The following CHAT variants were observed in gnomAD, a reference collection of about 807,000 sequenced individuals.
The protein encoded by CHAT is choline O-acetyltransferase.
CHAT carries 61 observed loss-of-function variants against 76.9 expected under a neutral mutation model. That is an observed-to-expected ratio of 0.79 (90% CI 0.65 to 0.98). CHAT has a LOEUF of 0.98. CHAT is among the 50% of genes least tolerant of loss of function. The pLI is 0.00. For synonymous variants in CHAT, 407 were observed against 397.4 expected (o/e 1.02, Z -0.29); for missense variants, 946 against 986.9 (o/e 0.96, Z 0.56).
In CHAT at chr10:49,625,881, C is replaced by G. The variant is rs2132729447; in HGVS notation, c.933+228C>G. 2.0e-5 allele frequency among the ~76,000 whole-genome samples: 3 copies of G among 152,322 alleles called. 1 individual carries two copies. Among genetic ancestry groups the G allele is most frequent in the Middle Eastern group, 3.4e-3 (1 of 294 alleles). On this transcript the variant is annotated intron_variant, in intron 6 of 14. Transcript: ENST00000337653. Reference sequence around the variant, plus strand: ...AGTTTGAGAATATCCTCACTGGACTCTCACTTCAGCACTGATGCACTGAGG... The same window carrying G: ...AGTTTGAGAATATCCTCACTGGACTGTCACTTCAGCACTGATGCACTGAGG...
upstream of CHAT, chr10:49,613,892 A>C (rs1206223890): frequency 9.7e-6 from 5 of 517,516 alleles, no homozygotes; most frequent in Non-Finnish European, 1.7e-5. Context: ...ATTTTGAAAG[A>C]TGGTGTAGCA....
At chr10:49,619,337 T>C (rs1265193792) in intron 2 of CHAT, among the ~76,000 whole-genome samples, 1 of 152,188 alleles carries the variant, frequency 6.6e-6, no homozygotes, top group African/African-American at 2.4e-5. Flanking sequence ...TTCATATCTA[T>C]TTTCTGTTTG....
chr10:49,618,928 T>C (rs1258330752), intron 2 of CHAT, among the ~76,000 whole-genome samples: 1 of 152,190 alleles, frequency 6.6e-6, no homozygotes, highest in African/African-American at 2.4e-5. Flanking sequence ...TTGTTATTTA[T>C]GTCCTATGGA....
intron 4 of CHAT, 143 bp from the exon 5 acceptor site, chr10:49,621,954 A>T: frequency 1.4e-5 from 1 of 72,008 alleles, no homozygotes; most frequent in Non-Finnish European, 2.4e-5. Context: ...AGTGGGGATG[A>T]GGGAGGGAGG....
intron 11 of CHAT, among the ~76,000 whole-genome samples, chr10:49,653,795 A>C (rs1293899271): frequency 6.6e-6 from 1 of 152,230 alleles, no homozygotes; most frequent in African/African-American, 2.4e-5. Flanking sequence ...ATCCTGCCAG[A>C]GCCTCGACTG....
In CHAT at chr10:49,622,167, G is replaced by A. The variant is rs1185047489; in HGVS notation, c.752+17G>A. The A allele has an allele frequency of 6.2e-7, 1 of 1,613,464 alleles. No individual in the cohort carries two copies. Among genetic ancestry groups the A allele is most frequent in the Non-Finnish European group, 8.5e-7 (1 of 1,179,508 alleles). ...GCTGGACAGGTAGGACTGGGAGGGT[G>A]GTGCCCTGTTCCAGCACAGTCTGCC... On this transcript the variant is annotated intron_variant, in intron 5 of 14. Coordinates refer to ENST00000337653, the MANE Select transcript of CHAT (RefSeq NM_020549.5).
At chr10:49,637,602 C>T (rs1170449734) in intron 7 of CHAT, 2 of 152,768 alleles carry the variant, frequency 1.3e-5, no homozygotes, top group African/African-American at 2.4e-5. Context: ...GCTTCCCCTT[C>T]GCGTTCTGCC....
chr10:49,620,869 T>C (rs1359331154), intron 4 of CHAT, among the ~76,000 whole-genome samples: 1 of 152,128 alleles, frequency 6.6e-6, no homozygotes, highest in African/African-American at 2.4e-5. Context: ...AGGTCATGGG[T>C]CCAAATATCC....
intron 13 of CHAT, among the ~76,000 whole-genome samples, chr10:49,659,390 G>GA (rs968377229): frequency 6.6e-6 from 1 of 151,848 alleles, no homozygotes; most frequent in African/African-American, 2.4e-5. Flanking sequence ...ATCATAGGCT[G>GA]AAAAAAAACA....
chr10:49,628,059 A>G (rs927077506), intron 7 of CHAT, among the ~76,000 whole-genome samples: 1 of 151,988 alleles, frequency 6.6e-6, no homozygotes, highest in Admixed American at 6.6e-5. Context: ...CGGGGGAGTT[A>G]GCTGGAGGAA....
upstream of CHAT, chr10:49,610,767 G>C (rs1299057817): frequency 1.3e-6 from 2 of 1,555,238 alleles, no homozygotes; most frequent in Non-Finnish European, 1.7e-6. Flanking sequence ...CTGCGGGCCA[G>C]GCCCGGGCGG....
rs1485959988 is a variant in CHAT at position 49,647,818 on chromosome 10, C to T, written c.1282-689C>T. 1.9e-4 allele frequency: 28 copies of T among 148,720 alleles called. No individual in the cohort carries two copies. In the Admixed American group the frequency reaches 1.9e-3, roughly 10 times the overall value. The allele number at this position is 148,720 out of a possible 1,614,324, so 9.2% of individuals were successfully genotyped here. A position where few individuals can be genotyped will look rare whatever the true frequency, so the allele number is the denominator to read the frequency against. Reference sequence around the variant, plus strand: ...TTCCTTCCTTCCTTCCTTTTAGTGACAGGCACAGATAAGTACTAATGTGGG... The same window carrying T: ...TTCCTTCCTTCCTTCCTTTTAGTGATAGGCACAGATAAGTACTAATGTGGG... On this transcript the variant is annotated intron_variant, in intron 8 of 14. Coordinates refer to ENST00000337653, the MANE Select transcript of CHAT (RefSeq NM_020549.5).
chr10:49,651,682 G>T, intron 10 of CHAT: 1 of 572,880 alleles, frequency 1.7e-6, no homozygotes, highest in Non-Finnish European at 3.1e-6. Context: ...GGTCATAGTA[G>T]TCCTGGCCTG....
chr10:49,637,079 CTT>C (rs1207476688), intron 7 of CHAT, among the ~76,000 whole-genome samples: 3 of 150,200 alleles, frequency 2.0e-5, no homozygotes, highest in Non-Finnish European at 4.4e-5. Flanking sequence ...TTTGATTGAT[CTT>C]TTAAAATAAC....
chr10:49,613,932 G>A (rs1838372652), upstream of CHAT: 1 of 600,662 alleles, frequency 1.7e-6, no homozygotes, highest in Non-Finnish European at 3.0e-6. Context: ...ATGGTGGGGA[G>A]AGGAGGGCAG....
intron 5 of CHAT, among the ~76,000 whole-genome samples, chr10:49,623,538 T>C (rs1838804837): frequency 5.9e-5 from 9 of 152,324 alleles, no homozygotes; most frequent in Admixed American, 4.6e-4. Context: ...CCTTAGACTA[T>C]TGGGCAAGAC....
In CHAT at chr10:49,620,680, G is replaced by A. The variant is rs557179229; in HGVS notation, c.698+67G>A. 8.7e-5 allele frequency: 112 copies of A among 1,294,336 alleles called. 1 individual carries two copies. In the South Asian group the frequency reaches 1.2e-3, roughly 14 times the overall value. 80.2% of individuals were successfully genotyped at this position (1,294,336 alleles called of 1,614,324 possible). A position where few individuals can be genotyped will look rare whatever the true frequency, so the allele number is the denominator to read the frequency against. ...CCAAGGCAGGGGCCCTTACCCCAGT[G>A]CCAGCAAAGAAAGGCCAAAGCTGGA... On this transcript the variant is annotated intron_variant, in intron 4 of 14. Coordinates refer to ENST00000337653, the MANE Select transcript of CHAT (RefSeq NM_020549.5).
upstream of CHAT, chr10:49,611,333 C>G: frequency 6.2e-7 from 1 of 1,603,076 alleles, no homozygotes; most frequent in Non-Finnish European, 8.5e-7. Context: ...TCTGGCATAG[C>G]CATGATCGCC....
In CHAT at chr10:49,665,608, A is replaced by C. The variant is rs890987281; in HGVS notation, c.*562A>C. Among the ~76,000 whole-genome samples, 4 of 152,084 alleles carry C rather than the reference A, an allele frequency of 2.6e-5. No homozygotes were observed. The East Asian group carries it at 7.7e-4, about 29-fold the overall frequency. ...TCCTACAAGCACCCACTCCTCCCAC[A>C]CACACCACAGAGCCCAAGTCCATTT... On this transcript the variant is annotated 3_prime_UTR_variant, in exon 15 of 15. Coordinates refer to ENST00000337653, the MANE Select transcript of CHAT (RefSeq NM_020549.5).
Sources: gnomAD v4.1 joint callset for allele counts (sites outside exome capture counted in the v4.1 genomes callset) on GRCh38, gnomAD v4.1.1 for gene constraint, MANE v1.5 for transcripts, NCBI Gene and HGNC (gene_info 2026-07-23, HGNC 2026-07-21) for gene names.